Variants in ASAP3 observed in about 807,000 individuals in gnomAD.
The protein encoded by ASAP3 is arf-GAP with SH3 domain, ANK repeat and PH domain-containing protein 3.
A neutral mutation model predicts 118.2 loss-of-function variants in ASAP3; 85 were observed. The observed-to-expected ratio is 0.72, with a 90% CI of 0.60 to 0.86. The LOEUF (loss-of-function observed/expected upper bound fraction) is 0.86, where lower values mean the gene tolerates loss of function less well. Ranked by LOEUF, ASAP3 falls within the 40% of genes least tolerant of loss-of-function variation. The pLI, the probability that ASAP3 is intolerant of heterozygous loss-of-function variation, is 0.00. For missense variants in ASAP3, 1,026 were observed against 1,175.0 expected (o/e 0.87, Z 1.85); for synonymous variants, 432 against 477.4 (o/e 0.90, Z 1.24).
Position 23,441,005 on chromosome 1 carries a change from C to A in ASAP3, c.944+97G>T, listed in dbSNP as rs186944971. ...TACATTGCAACCCTCGGTGTCTACA[C>A]AAATGATTAGAACAGTTCCTTTGGG... On this transcript the variant is annotated intron_variant, in intron 10 of 24. Transcript: ENST00000336689. 1.2e-3 allele frequency: 1,426 copies of A among 1,183,718 alleles called. 17 individuals are homozygous for A. Among genetic ancestry groups the A allele is most frequent in the South Asian group, 0.012 (886 of 73,754 alleles). 73.3% of individuals were successfully genotyped at this position (1,183,718 alleles called of 1,614,324 possible). A position where few individuals can be genotyped will look rare whatever the true frequency, so the allele number is the denominator to read the frequency against.
chr1:23,442,931 G>C (rs571443998), intron 5 of ASAP3, among the ~76,000 whole-genome samples: 1 of 152,330 alleles, frequency 6.6e-6, no homozygotes, highest in South Asian at 2.1e-4. Context: ...TGCTGGGCAA[G>C]AGGGATGGAC....
intron 18 of ASAP3, 79 bp from the exon 19 acceptor site, chr1:23,434,448 G>T (rs747346605): frequency 2.3e-4 from 363 of 1,599,926 alleles, no homozygotes; most frequent in Non-Finnish European, 2.8e-4. Context: ...AAAGTGGGAG[G>T]GGAAAGGAGG....
upstream of ASAP3, chr1:23,484,308 C>T: frequency 1.7e-6 from 1 of 587,786 alleles, no homozygotes; most frequent in Non-Finnish European, 2.4e-6. Context: ...TGGGACGGCC[C>T]CGCCCCCGGC....
In ASAP3 at chr1:23,436,176, T is replaced by C; in HGVS notation, c.1572-148A>G. The C allele has an allele frequency of 1.2e-6, 1 of 848,368 alleles. No homozygotes were observed. The highest frequency in any genetic ancestry group is 1.8e-6 in the Non-Finnish European group (1 of 559,080). 52.6% of individuals were successfully genotyped at this position (848,368 alleles called of 1,614,324 possible). ...TCTGAGGCTCCCCTCTCCCCAGGCT[T>C]TTTTTTTAGACAGTCTCACTCTATT... On this transcript the variant is annotated intron_variant, in intron 16 of 24. Coordinates refer to ENST00000336689, the MANE Select transcript of ASAP3 (RefSeq NM_017707.4). The surrounding 1 kb of genome is among the most constrained non-coding windows in gnomAD (Gnocchi z 4.2).
chr1:23,449,572 A>G (rs778373513), intron 5 of ASAP3, among the ~76,000 whole-genome samples: 11 of 152,160 alleles, frequency 7.2e-5, no homozygotes, highest in Non-Finnish European at 7.3e-5. Context: ...CGGCTCACGC[A>G]TATCTGGCTA....
rs1181265829 is a variant in ASAP3 at position 23,441,219 on chromosome 1, T to C, written c.835-8A>G. 6.2e-7 allele frequency: 1 copy of C among 1,613,980 alleles called. No individual in the cohort carries two copies. The highest frequency in any genetic ancestry group is 8.5e-7 in the Non-Finnish European group (1 of 1,179,958). ...CTTCCGGCTCAGGTGTTCCTGTCCC[T>C]CGGACATGCAAAGGAGACCTCAGGG... On this transcript the variant is annotated splice_polypyrimidine_tract_variant and splice_region_variant and intron_variant, in intron 9 of 24. Transcript: ENST00000336689.
rs1558153630 is a variant in ASAP3, at chr1:23,456,142, G to A, written c.182C>T (p.Ala61Val). ...CTTACCAAGGCCGGAGCTATGGATTGCCCGCACAGCCTTCTTTATTCTCTG... is the reference window on the plus strand; with the variant it reads ...CTTACCAAGGCCGGAGCTATGGATTACCCGCACAGCCTTCTTTATTCTCTG... Reference protein sequence around the residue: ...ILQRIKKAVRAIHSSGLGHVE... With the variant: ...ILQRIKKAVRVIHSSGLGHVE... The change falls in exon 2 of 25, where the codon GCA becomes GTA. Residue 61 changes from alanine (A) to valine (V), a missense_variant. By Grantham distance (64) the Ala-to-Val change is moderately conservative. Coordinates refer to ENST00000336689, the MANE Select transcript of ASAP3 (RefSeq NM_017707.4). The A allele has an allele frequency of 3.7e-6, 6 of 1,614,144 alleles. No individual in the cohort carries two copies. The highest frequency in any genetic ancestry group is 5.1e-6 in the Non-Finnish European group (6 of 1,180,020).
chr1:23,454,081 G>A (rs1641307849), intron 3 of ASAP3, among the ~76,000 whole-genome samples: 3 of 151,650 alleles, frequency 2.0e-5, no homozygotes, highest in East Asian at 1.9e-4. Context: ...GCACAGTGGT[G>A]TGATCACACT....
chr1:23,468,678 CTTTAGTTGAGA>C (rs377270974), intron 1 of ASAP3, among the ~76,000 whole-genome samples: 1 of 55,648 alleles, frequency 1.8e-5, no homozygotes, highest in African/African-American at 4.1e-5. Context: ...TGAGACCATC[CTTTAGTTGAGA>C]TAGGGTGAAA....
rs201413068 is a variant in ASAP3, at chr1:23,456,109, G to A, written c.202+13C>T. On this transcript the variant is annotated intron_variant, in intron 2 of 24. Transcript: ENST00000336689. Reference sequence around the variant, plus strand: ...CTTCCTGACCAGGCGGGGCACCCAGGAGGCTCACTTACCAAGGCCGGAGCT... The same window carrying A: ...CTTCCTGACCAGGCGGGGCACCCAGAAGGCTCACTTACCAAGGCCGGAGCT... 6.2e-7 allele frequency: 1 copy of A among 1,614,134 alleles called. No individual in the cohort carries two copies. Among genetic ancestry groups the A allele is most frequent in the Non-Finnish European group, 8.5e-7 (1 of 1,180,022 alleles).
intron 1 of ASAP3, among the ~76,000 whole-genome samples, chr1:23,456,645 C>A (rs1323928172): frequency 1.3e-5 from 2 of 152,156 alleles, no homozygotes; most frequent in South Asian, 2.1e-4. Context: ...TAAATATGTA[C>A]AAAATGCTGA....
intron 1 of ASAP3, among the ~76,000 whole-genome samples, chr1:23,468,770 G>A (rs1409654415): frequency 6.6e-6 from 1 of 150,562 alleles, no homozygotes; most frequent in Non-Finnish European, 1.5e-5. Flanking sequence ...AGCTACTTGG[G>A]AGGCTGAGGC....
At position 23,434,273 on chromosome 1, in the gene ASAP3, C is replaced by T; in HGVS notation, c.1932G>A (p.Gly644=). The part of the protein sequence containing the change: ...QPDCLKLLLK[G]RALVGTVNEA... ...CCCCACCTGTGCCAACCAAAGCTCTCCCCTTCAGCAGCAGCTTGAGGCAGT... is the reference window on the plus strand; with the variant it reads ...CCCCACCTGTGCCAACCAAAGCTCTTCCCTTCAGCAGCAGCTTGAGGCAGT... Residue 644 remains glycine, a synonymous_variant, in exon 19 of 25, where the codon GGG becomes GGA. Transcript: ENST00000336689. 1.2e-6 allele frequency: 2 copies of T among 1,614,122 alleles called. No homozygotes were observed. Among genetic ancestry groups the T allele is most frequent in the African/African-American group, 2.7e-5 (2 of 75,024 alleles).
chr1:23,448,171 T>C (rs969574601), intron 5 of ASAP3, among the ~76,000 whole-genome samples: 1 of 152,176 alleles, frequency 6.6e-6, no homozygotes, highest in Non-Finnish European at 1.5e-5. Flanking sequence ...AAGACCGAGA[T>C]CATTGCAGAA....
At chr1:23,431,149 A>G (rs374517850) in intron 23 of ASAP3, 24 bp from the exon 24 acceptor site, 7 of 1,562,420 alleles carry the variant, frequency 4.5e-6, no homozygotes, top group East Asian at 2.4e-5. Context: ...AAAGGCCAAC[A>G]TGACCCTCAT....
intron 1 of ASAP3, among the ~76,000 whole-genome samples, chr1:23,470,778 T>C (rs1314252021): frequency 6.6e-6 from 1 of 152,192 alleles, no homozygotes; most frequent in African/African-American, 2.4e-5. Context: ...CCTTACCGGC[T>C]GTCCCTTGTG....
At chr1:23,464,873 T>C (rs766852453) in intron 1 of ASAP3, among the ~76,000 whole-genome samples, 1 of 152,062 alleles carries the variant, frequency 6.6e-6, no homozygotes, top group Non-Finnish European at 1.5e-5. Flanking sequence ...GCCCTCCAGG[T>C]GATTCTAATG....
Position 23,436,705 on chromosome 1 carries a change from G to A in ASAP3, c.1477-51C>T. 6.2e-7 allele frequency: 1 copy of A among 1,606,746 alleles called. No individual in the cohort carries two copies. The highest frequency in any genetic ancestry group is 8.5e-7 in the Non-Finnish European group (1 of 1,173,472). The stretch of plus-strand genomic sequence containing the variant: ...GGGCGGAGTAAGACCGGGCGGTTAA[G>A]CCTGCATAGGGTGGAGCTCCAAGCC... On this transcript the variant is annotated intron_variant, in intron 15 of 24. Transcript: ENST00000336689. The surrounding 1 kb of genome is among the most constrained non-coding windows in gnomAD (Gnocchi z 4.2).
intron 1 of ASAP3, among the ~76,000 whole-genome samples, chr1:23,473,696 C>T (rs1642029743): frequency 1.3e-5 from 2 of 151,998 alleles, no homozygotes; most frequent in South Asian, 2.1e-4. Context: ...GAAGTGAGCA[C>T]AAAAAAAGAC....
Sources: gnomAD v4.1 joint callset for allele counts (sites outside exome capture counted in the v4.1 genomes callset) on GRCh38, gnomAD v4.1.1 for gene constraint, Gnocchi (gnomAD v3.1) non-coding constraint, MANE v1.5 for transcripts, NCBI Gene and HGNC (gene_info 2026-07-23, HGNC 2026-07-21) for gene names.